The following CATSPERE variants were observed in gnomAD, a reference collection of about 807,000 sequenced individuals.
The protein encoded by CATSPERE is cation channel sperm-associated auxiliary subunit epsilon.
CATSPERE carries 93 observed loss-of-function variants against 114.1 expected under a neutral mutation model. The ratio of observed to expected loss-of-function variants is 0.81; its 90% confidence interval spans 0.69 to 0.97. The LOEUF is 0.97. Among genes scored for constraint, CATSPERE ranks in the 50% least tolerant of loss-of-function variants. The pLI is 0.00. For synonymous variants in CATSPERE, 341 were observed against 384.1 expected (o/e 0.89, Z 1.31); for missense variants, 1,058 against 1,131.6 (o/e 0.93, Z 0.93).
At chr1:244,608,227 GC>G (rs1203813366) in intron 18 of CATSPERE, among the ~76,000 whole-genome samples, 4 of 151,588 alleles carry the variant, frequency 2.6e-5, no homozygotes, top group Admixed American at 6.6e-5. Flanking sequence ...TAATATAGCA[GC>G]CCCCATTAAA....
chr1:244,548,628 G>A (rs552255163), intron 8 of CATSPERE, among the ~76,000 whole-genome samples: 1 of 152,300 alleles, frequency 6.6e-6, no homozygotes, highest in African/African-American at 2.4e-5. Context: ...TCTTTTCAAA[G>A]CAAGAGAAGA....
intron 2 of CATSPERE, among the ~76,000 whole-genome samples, chr1:244,468,426 C>T (rs1007627563): frequency 3.3e-5 from 5 of 152,044 alleles, no homozygotes; most frequent in Non-Finnish European, 2.9e-5. Flanking sequence ...TTTTTTATCT[C>T]GATTTTCCAT....
rs1405458535 is a variant in CATSPERE at position 244,504,298 on chromosome 1, A to G, written c.429+5219A>G. Among the ~76,000 whole-genome samples the G allele has an allele frequency of 6.6e-6, 1 of 152,222 alleles. No individual in the cohort carries two copies. Among genetic ancestry groups the G allele is most frequent in the Admixed American group, 6.5e-5 (1 of 15,276 alleles). On this transcript the variant is annotated intron_variant, in intron 7 of 21. Transcript: ENST00000366534. This position sits in a 1 kb window ranked among gnomAD's most constrained non-coding sequence, Gnocchi z 4.1. ...CACCTTGCATTCATTCACTTTTCAA[A>G]AACACTTTTTCTTTTAGAACAGTTT...
chr1:244,615,632 C>T (rs1573018001), intron 19 of CATSPERE, among the ~76,000 whole-genome samples: 2 of 151,914 alleles, frequency 1.3e-5, no homozygotes, highest in East Asian at 3.9e-4. Context: ...TGTAATCTTA[C>T]GGGACCACTA....
Position 244,600,950 on chromosome 1 carries a change from G to A in CATSPERE, c.2304-4745G>A, listed in dbSNP as rs1259647623. Among the ~76,000 whole-genome samples, 6 of 152,270 alleles carry A rather than the reference G, an allele frequency of 3.9e-5. No homozygotes were observed. In the East Asian group the frequency reaches 7.7e-4, roughly 20 times the overall value. ...CAGCAGATAAAATAAGTTGAAAAATGAGCACACAAAGCAAATGCTTAAAAA... is the reference window on the plus strand; with the variant it reads ...CAGCAGATAAAATAAGTTGAAAAATAAGCACACAAAGCAAATGCTTAAAAA... On this transcript the variant is annotated intron_variant, in intron 17 of 21. Transcript: ENST00000366534.
chr1:244,560,180 G>A lies in CATSPERE; in HGVS notation c.1030-488G>A, dbSNP rs545687976. Among the ~76,000 whole-genome samples the A allele has an allele frequency of 1.1e-4, 16 of 151,994 alleles. No individual in the cohort carries two copies. In the East Asian group the frequency reaches 2.9e-3, roughly 28 times the overall value. ...ACTAGTTTTTAACTTTTGTAGAAAT[G>A]GGGTCTCATTTTGTTGCCCAGGCTG... On this transcript the variant is annotated intron_variant, in intron 9 of 21. Coordinates refer to ENST00000366534, the MANE Select transcript of CATSPERE (RefSeq NM_001130957.2).
intron 8 of CATSPERE, among the ~76,000 whole-genome samples, chr1:244,531,456 T>A (rs1444591082): frequency 6.6e-6 from 1 of 152,166 alleles, no homozygotes; most frequent in African/African-American, 2.4e-5. Flanking sequence ...TGATACTAAC[T>A]GTGGATCTAT....
Position 244,535,652 on chromosome 1 carries a change from G to T in CATSPERE, c.537-16670G>T, listed in dbSNP as rs7515599. Among the ~76,000 whole-genome samples the T allele has an allele frequency of 2.7e-3, 416 of 152,028 alleles. 5 individuals carry two copies. The highest frequency in any genetic ancestry group is 9.6e-3 in the African/African-American group (399 of 41,426). The stretch of plus-strand genomic sequence containing the variant: ...TGCCAGGCTGGGGACTCACCTTTCA[G>T]GGCAGTTGGTTCCCCTCTGGCCCAA... On this transcript the variant is annotated intron_variant, in intron 8 of 21. Coordinates refer to ENST00000366534, the MANE Select transcript of CATSPERE (RefSeq NM_001130957.2).
At chr1:244,581,876 A>G in intron 12 of CATSPERE, 22 bp downstream of exon 12, 1 of 1,120,266 alleles carries the variant, frequency 8.9e-7, no homozygotes, top group East Asian at 2.7e-5. Context: ...TTTTAAAAGA[A>G]CTTTCTCAGT....
intron 9 of CATSPERE, among the ~76,000 whole-genome samples, chr1:244,559,035 T>C (rs967205966): frequency 2.0e-5 from 3 of 152,218 alleles, no homozygotes; most frequent in African/African-American, 7.2e-5. Flanking sequence ...CAAAAGGATC[T>C]CTCACCTCAC....
chr1:244,501,621 A>T (rs1318759002), intron 7 of CATSPERE, among the ~76,000 whole-genome samples: 4 of 152,254 alleles, frequency 2.6e-5, no homozygotes, highest in Non-Finnish European at 5.9e-5. Flanking sequence ...GGAATAAAAT[A>T]AATTAATGGT....
At chr1:244,553,910 G>C (rs1661185739) in intron 9 of CATSPERE, among the ~76,000 whole-genome samples, 1 of 152,044 alleles carries the variant, frequency 6.6e-6, no homozygotes, top group Non-Finnish European at 1.5e-5. Flanking sequence ...CCACATATGA[G>C]TGAGAACATG....
intron 8 of CATSPERE, among the ~76,000 whole-genome samples, chr1:244,546,937 T>TTC (rs60704381): frequency 1.3e-5 from 2 of 151,582 alleles, no homozygotes; most frequent in African/African-American, 2.4e-5. Flanking sequence ...AGGAAACTTT[T>TTC]GAAACCTGCA....
At chr1:244,559,642 A>C (rs558738738) in intron 9 of CATSPERE, among the ~76,000 whole-genome samples, 2 of 152,272 alleles carry the variant, frequency 1.3e-5, no homozygotes, top group South Asian at 4.2e-4. Context: ...CTAAGGCTTT[A>C]AGTTTCTCTT....
intron 21 of CATSPERE, among the ~76,000 whole-genome samples, 190 bp downstream of exon 21, chr1:244,635,732 C>T (rs772466381): frequency 6.6e-6 from 1 of 152,068 alleles, no homozygotes; most frequent in Non-Finnish European, 1.5e-5. Flanking sequence ...AATCCTAAAA[C>T]AACAACAAAA....
rs1169062459 is a variant in CATSPERE, at chr1:244,572,557, A to G, written c.1735A>G (p.Thr579Ala). 3 of 1,614,050 alleles carry G rather than the reference A, an allele frequency of 1.9e-6. No individual in the cohort carries two copies. The highest frequency in any genetic ancestry group is 1.3e-5 in the African/African-American group (1 of 74,950). Residue 579 changes from threonine to alanine, a missense_variant, in exon 11 of 22, where the codon ACA (threonine) becomes GCA (alanine). Coordinates refer to ENST00000366534, the MANE Select transcript of CATSPERE (RefSeq NM_001130957.2). ...GGAAGCACAAAGTATAGCTTTCACA[A>G]CAAAAGACAAATGCCCATACATGGC... ...HLEAQSIAFTTKDKCPYMAFH... is the reference protein window; with the variant it reads ...HLEAQSIAFTAKDKCPYMAFH...
intron 14 of CATSPERE, among the ~76,000 whole-genome samples, chr1:244,590,335 A>G (rs1417942207): frequency 2.0e-5 from 3 of 152,250 alleles, no homozygotes; most frequent in East Asian, 3.8e-4. Context: ...TACATCTAAT[A>G]AAACAGTCCA....
At chr1:244,620,394 C>G (rs891797714) in intron 20 of CATSPERE, among the ~76,000 whole-genome samples, 1 of 152,172 alleles carries the variant, frequency 6.6e-6, no homozygotes, top group South Asian at 2.1e-4. Flanking sequence ...AGGGAAGATT[C>G]CAGTTTCCCA....
upstream of CATSPERE, chr1:244,452,002 A>C (rs1396555172): frequency 3.6e-6 from 2 of 558,428 alleles, no homozygotes; most frequent in East Asian, 3.4e-5. Context: ...AGCCCGCTCA[A>C]GGGGGTACCA....
Sources: allele counts gnomAD v4.1 joint callset (sites outside exome capture counted in the v4.1 genomes callset), GRCh38; gene constraint gnomAD v4.1.1; non-coding constraint Gnocchi (gnomAD v3.1); transcripts MANE v1.5; gene names NCBI Gene and HGNC (gene_info 2026-07-23, HGNC 2026-07-21).